RCN3: variants seen among roughly 807,000 people sequenced by gnomAD.
RCN3 encodes reticulocalbin-3.
RCN3 carries 41 observed loss-of-function variants against 35.9 expected under a neutral mutation model. The observed-to-expected ratio is 1.14, with a 90% CI of 0.89 to 1.48. The LOEUF is 1.48. Ranked by LOEUF, RCN3 falls within the 40% of genes most tolerant of loss-of-function variation. The pLI is 0.00. For synonymous variants in RCN3, 187 were observed against 193.4 expected, an observed-to-expected ratio of 0.97 and a Z score of 0.27; for missense variants, 451 against 471.3, an observed-to-expected ratio of 0.96 and a Z score of 0.40.
At chr19:49,533,354 C>T (rs943452796) in intron 2 of RCN3, among the ~76,000 whole-genome samples, 1 of 152,068 alleles carries the variant, frequency 6.6e-6, no homozygotes, top group Admixed American at 6.6e-5. Context: ...GGCCTAGGGA[C>T]GGTGACAGGG....
chr19:49,538,134 A>G (rs1411730280), intron 4 of RCN3, among the ~76,000 whole-genome samples: 1 of 148,018 alleles, frequency 6.8e-6, no homozygotes, highest in Non-Finnish European at 1.5e-5. Flanking sequence ...TGAGGCCACC[A>G]GGCACAAGCC....
intron 2 of RCN3, among the ~76,000 whole-genome samples, chr19:49,532,109 T>A (rs1436909723): frequency 5.8e-4 from 79 of 136,764 alleles, no homozygotes; most frequent in African/African-American, 2.1e-3. Context: ...CCTTTTTTTT[T>A]TTTTTTTTTT....
At chr19:49,542,487 C>G (rs2080167210) in intron 5 of RCN3, 66 bp from the exon 6 acceptor site, 5 of 1,179,466 alleles carry the variant, frequency 4.2e-6, no homozygotes, top group South Asian at 1.4e-5. Context: ...GAGCCAGGAT[C>G]AGCCCCCAGC....
intron 4 of RCN3, 77 bp downstream of exon 4, chr19:49,537,282 GCACC>G: frequency 7.4e-7 from 1 of 1,356,112 alleles, no homozygotes; most frequent in Non-Finnish European, 9.7e-7. Context: ...CTGCTTCCCA[GCACC>G]GACCTGGGGG....
chr19:49,531,320 A>G (rs983996500), intron 2 of RCN3, among the ~76,000 whole-genome samples: 1 of 152,178 alleles, frequency 6.6e-6, no homozygotes, highest in African/African-American at 2.4e-5. Flanking sequence ...CTTTGTCTCA[A>G]AAAGAGAGAG....
chr19:49,537,786 A>G (rs1208369608), intron 4 of RCN3, among the ~76,000 whole-genome samples: 1 of 151,068 alleles, frequency 6.6e-6, no homozygotes, highest in Non-Finnish European at 1.5e-5. Flanking sequence ...GGCATGAGCC[A>G]CCGTGCCCGG....
chr19:49,537,705 G>A (rs868408081), intron 4 of RCN3, among the ~76,000 whole-genome samples: 12 of 152,054 alleles, frequency 7.9e-5, no homozygotes, highest in Middle Eastern at 3.4e-3. Flanking sequence ...CTTCATGTTG[G>A]TTAGGCTGGT....
chr19:49,543,033 C>A (rs1045179471), intron 6 of RCN3, 73 bp from the exon 7 acceptor site: 93 of 1,254,702 alleles, frequency 7.4e-5, no homozygotes, highest in Non-Finnish European at 1.0e-4. Context: ...GACTTCGGGA[C>A]ACGCTTGGAT....
chr19:49,533,167 C>T (rs1177429906), intron 2 of RCN3, among the ~76,000 whole-genome samples: 2 of 152,156 alleles, frequency 1.3e-5, no homozygotes, highest in Non-Finnish European at 2.9e-5. Flanking sequence ...GGCTGTGGAG[C>T]CCAAGCGCTT....
At chr19:49,538,705 G>A (rs1381405173) in intron 4 of RCN3, among the ~76,000 whole-genome samples, 1 of 152,204 alleles carries the variant, frequency 6.6e-6, no homozygotes, top group Non-Finnish European at 1.5e-5. Context: ...GAGGTGTCCA[G>A]TGTGTCAGAA....
At chr19:49,540,911 T>A (rs899540850) in intron 5 of RCN3, among the ~76,000 whole-genome samples, 11 of 148,314 alleles carry the variant, frequency 7.4e-5, no homozygotes, top group Admixed American at 2.0e-4. Context: ...AGGCCCCAGA[T>A]GCCAGCAGCT....
chr19:49,534,111 T>A, intron 2 of RCN3, 82 bp from the exon 3 acceptor site: 4 of 1,276,768 alleles, frequency 3.1e-6, no homozygotes, highest in Non-Finnish European at 4.1e-6. Context: ...GGATCCGAAG[T>A]GTCCCAGGGG....
rs1026122853 is a variant in RCN3 at position 49,543,629 on chromosome 19, C to T, written c.*416C>T. 7 of 188,858 alleles carry T rather than the reference C, an allele frequency of 3.7e-5. No individual in the cohort carries two copies. The highest frequency in any genetic ancestry group is 1.1e-4 in the Admixed American group (2 of 18,306). 11.7% of individuals were successfully genotyped at this position (188,858 alleles called of 1,614,324 possible). On this transcript the variant is annotated 3_prime_UTR_variant, in exon 7 of 7. Coordinates refer to ENST00000270645, the MANE Select transcript of RCN3 (RefSeq NM_020650.3). Reference sequence around the variant, plus strand: ...GCCAGGAGGCAATAAAAGCCAGCGCCGGGACCTTGTGTGTCTGTCTGTTGT... The same window carrying T: ...GCCAGGAGGCAATAAAAGCCAGCGCTGGGACCTTGTGTGTCTGTCTGTTGT...
chr19:49,531,111 G>T (rs1331982377), intron 2 of RCN3, among the ~76,000 whole-genome samples: 3 of 152,046 alleles, frequency 2.0e-5, no homozygotes, highest in Non-Finnish European at 2.9e-5. Context: ...GAGCCCAGGA[G>T]TTCAAGACCA....
At chr19:49,536,850 C>T (rs544861507) in intron 3 of RCN3, among the ~76,000 whole-genome samples, 183 bp from the exon 4 acceptor site, 2 of 152,248 alleles carry the variant, frequency 1.3e-5, no homozygotes, top group African/African-American at 4.8e-5. Flanking sequence ...AAGTGATCTG[C>T]CAGCTTCAGC....
intron 5 of RCN3, among the ~76,000 whole-genome samples, chr19:49,541,007 T>A (rs113305073): frequency 0.1 from 15,300 of 151,544 alleles, 999 homozygotes; most frequent in African/African-American, 0.18. Context: ...CTCGGCTCAC[T>A]GCAACCTCCG....
chr19:49,539,085 C>T (rs761260997), intron 4 of RCN3, 34 bp from the exon 5 acceptor site: 30 of 1,530,332 alleles, frequency 2.0e-5, no homozygotes, highest in South Asian at 1.6e-4. Context: ...CCAGGGTCAT[C>T]GGCCCCCAGC....
chr19:49,537,569 C>T (rs1042205981), intron 4 of RCN3, among the ~76,000 whole-genome samples: 1 of 151,666 alleles, frequency 6.6e-6, no homozygotes, highest in Non-Finnish European at 1.5e-5. Flanking sequence ...AGCAGTGGTG[C>T]GATCTCAGCT....
chr19:49,536,288 CTTTTTT>C (rs968434638), intron 3 of RCN3, among the ~76,000 whole-genome samples: 2 of 70,830 alleles, frequency 2.8e-5, no homozygotes, highest in African/African-American at 6.1e-5. Context: ...ACCCGGCCTA[CTTTTTT>C]TTTTTTTTTT....
Sources: allele counts gnomAD v4.1 joint callset (sites outside exome capture counted in the v4.1 genomes callset), GRCh38; gene constraint gnomAD v4.1.1; transcripts MANE v1.5; gene names NCBI Gene and HGNC (gene_info 2026-07-23, HGNC 2026-07-21).